The following SESN1 variants were observed in gnomAD, a reference collection of about 807,000 sequenced individuals.
The protein encoded by SESN1 is sestrin-1.
A neutral mutation model predicts 59.3 loss-of-function variants in SESN1; 30 were observed. The ratio of observed to expected loss-of-function variants is 0.51; its 90% CI spans 0.38 to 0.69. The LOEUF is 0.69. Among genes scored for constraint, SESN1 ranks in the 30% least tolerant of loss-of-function variants. The pLI, the probability that SESN1 is intolerant of heterozygous loss-of-function variation, is 0.00. For synonymous variants in SESN1, 197 were observed against 219.9 expected, an observed-to-expected ratio of 0.90 and a Z score of 0.92; for missense variants, 566 against 673.0, an observed-to-expected ratio of 0.84 and a Z score of 1.76.
intron 1 of SESN1, among the ~76,000 whole-genome samples, chr6:109,087,673 A>G (rs1781236007): frequency 6.6e-6 from 1 of 152,210 alleles, no homozygotes; most frequent in Non-Finnish European, 1.5e-5. Flanking sequence ...ACTACCTTAG[A>G]CTTTTGGCTC....
At chr6:109,048,544 A>G (rs1317670930) in intron 1 of SESN1, among the ~76,000 whole-genome samples, 1 of 152,220 alleles carries the variant, frequency 6.6e-6, no homozygotes, top group Non-Finnish European at 1.5e-5. Context: ...AAGGGCCTTT[A>G]CAAAATCTTT....
In SESN1 at chr6:109,054,616, AT is replaced by A. The variant is rs768649977; in HGVS notation, c.279+39178del. ...TACTAAGATAGTAGGCACAAAAAAA[AT>A]AATAGTCTCTCAAAAAATTTCTTCT... is the stretch of plus-strand genomic sequence containing the variant. On this transcript the variant is annotated intron_variant, in intron 1 of 9. Transcript: ENST00000436639. Among the ~76,000 whole-genome samples the A allele has an allele frequency of 3.9e-5, 6 of 152,224 alleles. No individual in the cohort carries two copies. The South Asian group carries it at 8.3e-4, about 21-fold the overall frequency.
At chr6:109,004,952 T>C (rs937491673) in intron 1 of SESN1, among the ~76,000 whole-genome samples, 3 of 152,090 alleles carry the variant, frequency 2.0e-5, no homozygotes, top group Non-Finnish European at 4.4e-5. Flanking sequence ...TGAGAGTGTT[T>C]TGAAGTATGA....
intron 8 of SESN1, among the ~76,000 whole-genome samples, chr6:108,989,578 T>TAGAGAGAG (rs1779317287): frequency 6.6e-6 from 1 of 151,224 alleles, no homozygotes; most frequent in Non-Finnish European, 1.5e-5. Context: ...TAGAGATATC[T>TAGAGAGAG]ATATATAGAG....
At position 109,089,538 on chromosome 6, in the gene SESN1, G is replaced by A. The variant is rs554392220; in HGVS notation, c.279+4257C>T. On this transcript the variant is annotated intron_variant, in intron 1 of 9. Coordinates refer to ENST00000436639, the MANE Select transcript of SESN1 (RefSeq NM_014454.3). ...GTGACAGAACTAGAACAGCGGTATC[G>A]GGGGCAGAAATTCATTTAGGAGCTA... 5.3e-5 allele frequency among the ~76,000 whole-genome samples: 8 copies of A among 152,248 alleles called. No homozygotes were observed. In the East Asian group the frequency reaches 9.7e-4, roughly 18 times the overall value.
rs12214121 is a variant in SESN1 at position 109,001,351 on chromosome 6, C to T, written c.483G>A (p.Gln161=). The change falls in exon 3 of 10, where the codon CAG becomes CAA. Residue 161 remains glutamine (Q), a synonymous_variant. Coordinates refer to ENST00000436639, the MANE Select transcript of SESN1 (RefSeq NM_014454.3). ...GCCCATCCATTTGCAGTAGATAGTG[C>T]TGAGTTTTTAAGAAACTTTCTAAAT... is the stretch of plus-strand genomic sequence containing the variant. ...PQYLESFLKT[Q]HYLLQMDGPL... is the part of the protein sequence containing the mutation. 190,072 of 1,613,250 alleles carry T rather than the reference C, an allele frequency of 0.12. 12,094 individuals carry two copies. The highest frequency in any genetic ancestry group is 0.19 in the South Asian group (17,340 of 91,058).
In SESN1 at chr6:108,990,703, C is replaced by A; in HGVS notation, c.1366G>T (p.Asp456Tyr). 1 of 1,614,090 alleles carries A rather than the reference C, an allele frequency of 6.2e-7. No individual in the cohort carries two copies. The highest frequency in any genetic ancestry group is 8.5e-7 in the Non-Finnish European group (1 of 1,180,000). Residue 456 changes from aspartate to tyrosine, a missense_variant, in exon 8 of 10, where the codon GAT (aspartate) becomes TAT (tyrosine). Transcript: ENST00000436639. ...ATTGCCCGTCTAAGCATTGAGGTAT[C>A]AACATCTTTGTGCATTGCCATTGTA... ...YNTMAMHKDV[D>Y]TSMLRRAIWN... is the part of the protein sequence containing the mutation.
At chr6:109,026,596 T>C (rs550840180) in intron 1 of SESN1, among the ~76,000 whole-genome samples, 82 of 152,062 alleles carry the variant, frequency 5.4e-4, no homozygotes, top group Non-Finnish European at 2.9e-5. Context: ...GCCTCCCAGT[T>C]TCGGTTCAAG....
Position 108,988,585 on chromosome 6 carries a change from T to A in SESN1, c.1527A>T (p.Arg509Ser). Residue 509 changes from arginine to serine, a missense_variant, in exon 9 of 10, where the codon AGA (arginine) becomes AGT (serine). By Grantham distance (110) the Arg-to-Ser change is moderately radical. Transcript: ENST00000436639. ...VVCTPEKVTK[R>S]MYDSFWRQFK... ...ACTGCCTCCAGAAGCTATCATACAT[T>A]CTTTTGGTAACCTTTTCAGGAGTGC... 1 of 1,613,352 alleles carries A rather than the reference T, an allele frequency of 6.2e-7. No individual in the cohort carries two copies. Among genetic ancestry groups the A allele is most frequent in the South Asian group, 1.1e-5 (1 of 90,874 alleles).
At chr6:109,019,479 C>G (rs183640696) in intron 1 of SESN1, among the ~76,000 whole-genome samples, 130 of 152,240 alleles carry the variant, frequency 8.5e-4, no homozygotes, top group Non-Finnish European at 1.4e-3. Context: ...AATTATAGAC[C>G]AAACTCACCT....
chr6:109,084,459 C>A (rs1781178075), intron 1 of SESN1, among the ~76,000 whole-genome samples: 1 of 152,116 alleles, frequency 6.6e-6, no homozygotes, highest in Admixed American at 6.5e-5. Flanking sequence ...GAGGCTGAGG[C>A]AGGAGAATCG....
rs1779183792 is a variant in SESN1 at position 108,986,193 on chromosome 6, T to TCTA, written c.*1348_*1350dup. On this transcript the variant is annotated 3_prime_UTR_variant, in exon 10 of 10. Transcript: ENST00000436639. ...CCTTCTTTTTAGTAATTCTTAAAAT[T>TCTA]CTATTGGAACTCTAAAACAGTTGAA... Among the ~76,000 whole-genome samples, 1 of 152,222 alleles carries TCTA rather than the reference T, an allele frequency of 6.6e-6. No homozygotes were observed. Among genetic ancestry groups the TCTA allele is most frequent in the Non-Finnish European group, 1.5e-5 (1 of 68,044 alleles).
chr6:109,053,338 A>G (rs1780574043), intron 1 of SESN1, among the ~76,000 whole-genome samples: 1 of 152,202 alleles, frequency 6.6e-6, no homozygotes, highest in South Asian at 2.1e-4. Flanking sequence ...AACCCAAACA[A>G]TAAGACAACA....
At chr6:109,053,635 C>T (rs1780579208) in intron 1 of SESN1, among the ~76,000 whole-genome samples, 2 of 152,148 alleles carry the variant, frequency 1.3e-5, no homozygotes, top group Admixed American at 1.3e-4. Flanking sequence ...TGAAAGCCCT[C>T]ATGGGCCACA....
chr6:108,998,160 C>T (rs542467038), intron 5 of SESN1, among the ~76,000 whole-genome samples: 1 of 152,226 alleles, frequency 6.6e-6, no homozygotes, highest in African/African-American at 2.4e-5. Flanking sequence ...AAGTCTCCAC[C>T]ACCAGGCCAC....
intron 1 of SESN1, among the ~76,000 whole-genome samples, chr6:109,063,746 A>G (rs1003069322): frequency 2.6e-5 from 4 of 152,152 alleles, no homozygotes; most frequent in African/African-American, 9.7e-5. Context: ...TTTCTACTCA[A>G]TCTATAAATT....
At chr6:109,053,405 T>C (rs1223120147) in intron 1 of SESN1, among the ~76,000 whole-genome samples, 2 of 152,106 alleles carry the variant, frequency 1.3e-5, no homozygotes, top group African/African-American at 4.8e-5. Context: ...ACAATTATAC[T>C]AAGATATAAA....
chr6:109,055,844 T>C (rs1351842962), intron 1 of SESN1, among the ~76,000 whole-genome samples: 1 of 152,194 alleles, frequency 6.6e-6, no homozygotes. Context: ...GTCCGTGATA[T>C]ATAGTAGTTA....
intron 1 of SESN1, chr6:109,088,335 A>C (rs946933067): frequency 2.6e-5 from 4 of 152,078 alleles, no homozygotes; most frequent in African/African-American, 9.7e-5. Context: ...CTCCAGACTT[A>C]TTATGTGAAA....
Sources: allele counts gnomAD v4.1 joint callset (sites outside exome capture counted in the v4.1 genomes callset), GRCh38; gene constraint gnomAD v4.1.1; transcripts MANE v1.5; gene names NCBI Gene and HGNC (gene_info 2026-07-23, HGNC 2026-07-21).